The following CACNA1A variants were observed in gnomAD, a reference collection of about 807,000 sequenced individuals.
CACNA1A encodes the protein calcium voltage-gated channel subunit alpha1 A.
A neutral mutation model predicts 262.4 loss-of-function variants in CACNA1A; 57 were observed. The ratio of observed to expected loss-of-function variants is 0.22; its 90% CI spans 0.18 to 0.27. CACNA1A has a LOEUF of 0.27. CACNA1A is among the 10% of genes least tolerant of loss of function. The pLI is 1.00. For missense variants in CACNA1A, 2,526 were observed against 3,562.8 expected (o/e 0.71, Z 7.41); for synonymous variants, 1,431 against 1,419.3 (o/e 1.01, Z -0.18).
At chr19:13,390,672 T>A (rs1457419860) in intron 3 of CACNA1A, among the ~76,000 whole-genome samples, 1 of 152,172 alleles carries the variant, frequency 6.6e-6, no homozygotes. Context: ...TTTTTTATGA[T>A]TCTATCCACT....
intron 3 of CACNA1A, among the ~76,000 whole-genome samples, chr19:13,433,370 A>G (rs2060551702): frequency 6.8e-6 from 1 of 146,582 alleles, no homozygotes; most frequent in Non-Finnish European, 1.5e-5. Context: ...CTGACGTGGG[A>G]GGATTGCTTG....
chr19:13,361,868 T>C (rs2145256526), intron 5 of CACNA1A, among the ~76,000 whole-genome samples: 1 of 152,310 alleles, frequency 6.6e-6, no homozygotes, highest in East Asian at 1.9e-4. Context: ...AACTATCGTT[T>C]AGCATGGCAC....
At chr19:13,490,257 C>T (rs778188520) in intron 1 of CACNA1A, among the ~76,000 whole-genome samples, 5 of 152,260 alleles carry the variant, frequency 3.3e-5, no homozygotes, top group East Asian at 1.9e-4. Context: ...TTATAGATGA[C>T]GAAACAGAGT....
chr19:13,251,893 T>C (rs2144721594), intron 30 of CACNA1A, among the ~76,000 whole-genome samples: 1 of 151,674 alleles, frequency 6.6e-6, no homozygotes, highest in Admixed American at 6.6e-5. Context: ...GCCTCCTGAG[T>C]AGCTGGGATC....
rs1238770656 is a variant in CACNA1A, at chr19:13,497,576, AT to A, written c.293+8355del. Among the ~76,000 whole-genome samples the A allele has an allele frequency of 2.2e-3, 91 of 41,448 alleles. 26 individuals carry two copies. Among genetic ancestry groups the A allele is most frequent in the South Asian group, 2.5e-3 (2 of 794 alleles). The allele number at this position is 41,448 out of a possible 152,430, so 27.2% of individuals were successfully genotyped here. A position where few individuals can be genotyped will look rare whatever the true frequency, so the allele number is the denominator to read the frequency against. ...TATATATATATATATATATATATAT[AT>A]ATAAATTTATGTTGTTAAAGCTGGG... On this transcript the variant is annotated intron_variant, in intron 1 of 46. Coordinates refer to ENST00000360228, the MANE Select transcript of CACNA1A (RefSeq NM_001127222.2).
chr19:13,276,053 G>A (rs1600225044), intron 23 of CACNA1A, 97 bp from the exon 24 acceptor site: 7 of 705,202 alleles, frequency 9.9e-6, no homozygotes, highest in Non-Finnish European at 1.7e-5. Flanking sequence ...AGGCAGGGAA[G>A]CCAATGAGGC....
chr19:13,382,455 A>T (rs1449081726), intron 3 of CACNA1A, among the ~76,000 whole-genome samples: 2 of 152,158 alleles, frequency 1.3e-5, no homozygotes, highest in African/African-American at 4.8e-5. Flanking sequence ...TTAGGAGGAG[A>T]ACAGGAAGAT....
At chr19:13,235,413 A>C (rs1008229446) in intron 32 of CACNA1A, 139 bp from the exon 33 acceptor site, 1 of 882,662 alleles carries the variant, frequency 1.1e-6, no homozygotes, top group Admixed American at 2.0e-5. Context: ...GCTGGTGGGC[A>C]TCTCTGGGGG....
chr19:13,402,900 A>AC (rs2059933526), intron 3 of CACNA1A, among the ~76,000 whole-genome samples: 1 of 125,346 alleles, frequency 8.0e-6, no homozygotes, highest in Non-Finnish European at 1.7e-5. Flanking sequence ...ATATATATAT[A>AC]TATATATATA....
intron 24 of CACNA1A, chr19:13,275,559 G>C (rs1268882660): frequency 4.4e-6 from 2 of 452,694 alleles, no homozygotes; most frequent in Non-Finnish European, 8.2e-6. Context: ...TTCCGGCGAG[G>C]CTAGTCTACA....
chr19:13,342,279 G>A lies in CACNA1A; in HGVS notation c.979-6370C>T, dbSNP rs577857794. ...AGTACATTTTACAAGCACAAGGACT[G>A]GAGATGCCATGGCTGTTCTGTGGTA... On this transcript the variant is annotated intron_variant, in intron 6 of 46. Transcript: ENST00000360228. Among the ~76,000 whole-genome samples, 4 of 152,258 alleles carry A rather than the reference G, an allele frequency of 2.6e-5. No homozygotes were observed. The East Asian group carries it at 7.7e-4, about 29-fold the overall frequency.
rs925488995 is a variant in CACNA1A at position 13,236,191 on chromosome 19, T to C, written c.4951-461A>G. On this transcript the variant is annotated intron_variant, in intron 31 of 46. Transcript: ENST00000360228. The surrounding 1 kb of genome is among the most constrained non-coding windows in gnomAD (Gnocchi z 4.6). ...GTCAAGTTGCGGAATCTATCATACGTGTACGATGCACAAACACCAGGGCGG... is the reference window on the plus strand; with the variant it reads ...GTCAAGTTGCGGAATCTATCATACGCGTACGATGCACAAACACCAGGGCGG... Among the ~76,000 whole-genome samples, 3 of 140,994 alleles carry C rather than the reference T, an allele frequency of 2.1e-5. No homozygotes were observed. The highest frequency in any genetic ancestry group is 2.2e-4 in the South Asian group (1 of 4,518). The allele number at this position is 140,994 out of a possible 152,430, so 92.5% of individuals were successfully genotyped here.
intron 21 of CACNA1A, 75 bp from the exon 22 acceptor site, chr19:13,283,471 T>C: frequency 6.4e-7 from 1 of 1,574,334 alleles, no homozygotes; most frequent in East Asian, 2.3e-5. Context: ...CATAATCTCA[T>C]GTTACCTACC....
At chr19:13,338,524 C>T (rs115916885) in intron 6 of CACNA1A, among the ~76,000 whole-genome samples, 1,514 of 150,920 alleles carry the variant, frequency 0.01, 21 homozygotes, top group African/African-American at 0.035. Context: ...TGCAAACAAT[C>T]CACACTGTTA....
intron 3 of CACNA1A, among the ~76,000 whole-genome samples, chr19:13,386,429 C>A (rs924902606): frequency 2.0e-5 from 3 of 152,276 alleles, no homozygotes; most frequent in African/African-American, 7.2e-5. Flanking sequence ...CCCTTCCTCT[C>A]CCTCTTCTTT....
At chr19:13,210,809 GGAAAA>G in intron 43 of CACNA1A, 157 bp from the exon 44 acceptor site, 1 of 812,260 alleles carries the variant, frequency 1.2e-6, no homozygotes, top group South Asian at 1.5e-5. Context: ...AAGGCAGGGA[GGAAAA>G]GAAAAGTTAA....
At chr19:13,256,018 G>A (rs1185277210) in intron 28 of CACNA1A, among the ~76,000 whole-genome samples, 3 of 104,296 alleles carry the variant, frequency 2.9e-5, no homozygotes, top group South Asian at 3.8e-4. Flanking sequence ...TCTTTGACAC[G>A]GGCTTGCTTT....
intron 19 of CACNA1A, among the ~76,000 whole-genome samples, chr19:13,292,964 T>C (rs1350093457): frequency 1.3e-5 from 2 of 152,088 alleles, no homozygotes; most frequent in Non-Finnish European, 2.9e-5. Flanking sequence ...CTATTAATAA[T>C]GGAATTAGCA....
At chr19:13,297,750 C>T (rs1028922048) in intron 19 of CACNA1A, among the ~76,000 whole-genome samples, 38 of 151,942 alleles carry the variant, frequency 2.5e-4, no homozygotes, top group Admixed American at 6.6e-5. Context: ...GAGGTAGAGG[C>T]TGCACTGAGC....
Sources: gnomAD v4.1 joint callset for allele counts (sites outside exome capture counted in the v4.1 genomes callset) on GRCh38, gnomAD v4.1.1 for gene constraint, Gnocchi (gnomAD v3.1) non-coding constraint, MANE v1.5 for transcripts, NCBI Gene and HGNC (gene_info 2026-07-23, HGNC 2026-07-21) for gene names.